EIF2S1: variants seen among roughly 807,000 people sequenced by gnomAD.
EIF2S1 encodes the protein eukaryotic translation initiation factor 2 subunit 1.
In EIF2S1, 5 loss-of-function variants were observed where a neutral mutation model predicts 33.5. The observed-to-expected ratio is 0.15, with a 90% confidence interval of 0.08 to 0.31. The LOEUF (loss-of-function observed/expected upper bound fraction) is 0.31, where lower values mean the gene tolerates loss of function less well. EIF2S1 is among the 10% of genes least tolerant of loss of function. The probability of loss-of-function intolerance (pLI) is 1.00; values close to 1 mark genes in which losing one functional copy is unlikely to be tolerated. For synonymous variants in EIF2S1, 99 were observed against 127.5 expected, an observed-to-expected ratio of 0.78 and a Z score of 1.51; for missense variants, 191 against 384.6, an observed-to-expected ratio of 0.50 and a Z score of 4.21.
intron 4 of EIF2S1, among the ~76,000 whole-genome samples, chr14:67,377,908 G>A (rs2085865619): frequency 6.6e-6 from 1 of 151,294 alleles, no homozygotes; most frequent in African/African-American, 2.4e-5. Flanking sequence ...AGGAGTTGGA[G>A]ACCATCCTGG....
chr14:67,374,360 AATAATT>A, intron 2 of EIF2S1, 102 bp from the exon 3 acceptor site: 1 of 561,130 alleles, frequency 1.8e-6, no homozygotes, highest in Non-Finnish European at 3.1e-6. Flanking sequence ...TTTAGTAGGA[AATAATT>A]ATAAGTATGC....
intron 5 of EIF2S1, among the ~76,000 whole-genome samples, chr14:67,381,367 G>A (rs545183966): frequency 6.6e-6 from 1 of 152,088 alleles, no homozygotes; most frequent in Non-Finnish European, 1.5e-5. Context: ...GAGTCAAAGG[G>A]TAATGCAATT....
chr14:67,362,730 C>T (rs527783168), intron 1 of EIF2S1, among the ~76,000 whole-genome samples: 33 of 151,772 alleles, frequency 2.2e-4, no homozygotes, highest in South Asian at 1.0e-3. Flanking sequence ...TTCGATATTG[C>T]GGAATGATTT....
chr14:67,384,102 C>G lies in EIF2S1; in HGVS notation c.*662C>G, dbSNP rs2085905119. On this transcript the variant is annotated 3_prime_UTR_variant, in exon 8 of 8. Coordinates refer to ENST00000256383, the MANE Select transcript of EIF2S1 (RefSeq NM_004094.5). Reference sequence around the variant, plus strand: ...TTGAAAGAATTAGATCGGTTCTGTGCCTTTTATCTATTTGAGATTGATGAC... The same window carrying G: ...TTGAAAGAATTAGATCGGTTCTGTGGCTTTTATCTATTTGAGATTGATGAC... 1 of 152,942 alleles carries G rather than the reference C, an allele frequency of 6.5e-6. No homozygotes were observed. The highest frequency in any genetic ancestry group is 1.5e-5 in the Non-Finnish European group (1 of 68,692). The allele number at this position is 152,942 out of a possible 1,614,324, so 9.5% of individuals were successfully genotyped here. A position where few individuals can be genotyped will look rare whatever the true frequency, so the allele number is the denominator to read the frequency against.
intron 7 of EIF2S1, 59 bp downstream of exon 7, chr14:67,382,649 G>T (rs569465462): frequency 8.2e-6 from 13 of 1,584,112 alleles, no homozygotes; most frequent in South Asian, 2.2e-5. Context: ...AGGAGTTCTT[G>T]TAGGTAAATA....
chr14:67,379,026 C>A (rs2085872365), intron 4 of EIF2S1, among the ~76,000 whole-genome samples: 1 of 152,076 alleles, frequency 6.6e-6, no homozygotes, highest in Admixed American at 6.6e-5. Flanking sequence ...AAGCAGGATT[C>A]CCCCACAATG....
rs2085913025 is a variant in EIF2S1 at position 67,385,084 on chromosome 14, T to C, written c.*1644T>C. On this transcript the variant is annotated 3_prime_UTR_variant, in exon 8 of 8. Transcript: ENST00000256383. ...TTTTTATCCCACGTGGGCCTTTTGC[T>C]CAGTTCCATGGCAATTTTGTAAATT... 2.0e-5 allele frequency: 3 copies of C among 152,174 alleles called. No individual in the cohort carries two copies. The South Asian group carries it at 6.2e-4, about 32-fold the overall frequency. 9.4% of individuals were successfully genotyped at this position (152,174 alleles called of 1,614,324 possible). A position where few individuals can be genotyped will look rare whatever the true frequency, so the allele number is the denominator to read the frequency against.
chr14:67,382,341 T>G, intron 6 of EIF2S1, 106 bp from the exon 7 acceptor site: 2 of 1,043,878 alleles, frequency 1.9e-6, no homozygotes, highest in Non-Finnish European at 1.4e-6. Flanking sequence ...GCAATTACGT[T>G]TTGGGGTGAT....
intron 4 of EIF2S1, among the ~76,000 whole-genome samples, chr14:67,380,014 C>T (rs1410349977): frequency 6.6e-6 from 1 of 152,204 alleles, no homozygotes; most frequent in East Asian, 1.9e-4. Context: ...GCCTCAGCCT[C>T]CCAAAGTGCT....
At chr14:67,362,009 T>C (rs1278187068) in intron 1 of EIF2S1, among the ~76,000 whole-genome samples, 1 of 148,798 alleles carries the variant, frequency 6.7e-6, no homozygotes, top group Non-Finnish European at 1.5e-5. Context: ...AAGAGTCTTT[T>C]TTTTTTTTCT....
intron 2 of EIF2S1, among the ~76,000 whole-genome samples, chr14:67,369,301 A>G (rs1292380150): frequency 2.0e-5 from 3 of 152,252 alleles, no homozygotes; most frequent in Non-Finnish European, 4.4e-5. Flanking sequence ...ATAAAGGGTC[A>G]ATTTGTTAGA....
chr14:67,382,663 G>A, intron 7 of EIF2S1, 73 bp downstream of exon 7: 2 of 1,545,576 alleles, frequency 1.3e-6, no homozygotes, highest in Non-Finnish European at 1.8e-6. Flanking sequence ...GTAAATAAGA[G>A]CTGTCGGCCT....
intron 2 of EIF2S1, among the ~76,000 whole-genome samples, chr14:67,373,516 TAGAAAAACACCACAGACATGCTGTCCTCC>T: frequency 6.6e-6 from 1 of 152,292 alleles, no homozygotes; most frequent in Non-Finnish European, 1.5e-5. Flanking sequence ...AAAGAGTGTC[TAGAAAAACACCACAGACATGCTGTCCTCC>T]AGTATTGAGA....
intron 2 of EIF2S1, among the ~76,000 whole-genome samples, chr14:67,369,897 GAC>G (rs887798305): frequency 1.3e-5 from 2 of 152,094 alleles, no homozygotes; most frequent in African/African-American, 4.8e-5. Flanking sequence ...AGGAATTAAA[GAC>G]ACACACACAC....
rs2085725920 is a variant in EIF2S1, at chr14:67,360,371, G to A, written c.-87G>A. ...GAAGCGCACGCTGAGGAGGATCGGC[G>A]GCCGGTGAGGGGGAAGCAAGTCTGG... On this transcript the variant is annotated 5_prime_UTR_variant, in exon 1 of 8. Transcript: ENST00000256383. The A allele has an allele frequency of 2.5e-6, 1 of 396,816 alleles. No individual in the cohort carries two copies. The allele number at this position is 396,816 out of a possible 1,614,324, so 24.6% of individuals were successfully genotyped here. A position where few individuals can be genotyped will look rare whatever the true frequency, so the allele number is the denominator to read the frequency against.
At chr14:67,380,899 AAAGCTTAAGAAATTAT>A in intron 5 of EIF2S1, 134 bp downstream of exon 5, 1 of 458,360 alleles carries the variant, frequency 2.2e-6, no homozygotes. Context: ...TTTTATAACA[AAAGCTTAAGAAATTAT>A]TTTGGCTTCT....
intron 2 of EIF2S1, among the ~76,000 whole-genome samples, chr14:67,367,093 T>C (rs927713243): frequency 2.0e-5 from 3 of 152,178 alleles, no homozygotes; most frequent in South Asian, 2.1e-4. Flanking sequence ...GGTTTGTCCC[T>C]GAACTACTGA....
intron 7 of EIF2S1, 149 bp downstream of exon 7, chr14:67,382,739 C>T (rs372555980): frequency 1.1e-5 from 9 of 810,368 alleles, no homozygotes; most frequent in East Asian, 5.2e-5. Flanking sequence ...GGTCACCCCC[C>T]GTCCCCAGCC....
At chr14:67,364,700 G>C in intron 1 of EIF2S1, 67 bp from the exon 2 acceptor site, 1 of 1,454,648 alleles carries the variant, frequency 6.9e-7, no homozygotes, top group Non-Finnish European at 9.2e-7. Context: ...GCAGGATGTG[G>C]AAATTGATTT....
Sources: gnomAD v4.1 joint callset for allele counts (sites outside exome capture counted in the v4.1 genomes callset) on GRCh38, gnomAD v4.1.1 for gene constraint, MANE v1.5 for transcripts, NCBI Gene and HGNC (gene_info 2026-07-23, HGNC 2026-07-21) for gene names.